The following PRTG variants were observed in gnomAD, a reference collection of about 807,000 sequenced individuals.
The protein encoded by PRTG is protogenin.
PRTG carries 67 observed loss-of-function variants against 122.5 expected under a neutral mutation model. The ratio of observed to expected loss-of-function variants is 0.55; its 90% CI spans 0.45 to 0.67. The LOEUF (loss-of-function observed/expected upper bound fraction) is 0.67, where lower values mean the gene tolerates loss of function less well. PRTG is among the 30% of genes least tolerant of loss of function. The pLI, the probability that PRTG is intolerant of heterozygous loss-of-function variation, is 0.00. For missense variants in PRTG, 1,435 were observed against 1,415.4 expected, an observed-to-expected ratio of 1.01 and a Z score of -0.22; for synonymous variants, 554 against 501.1, an observed-to-expected ratio of 1.11 and a Z score of -1.41.
chr15:55,703,084 A>T (rs2029952827), intron 2 of PRTG: 1 of 209,222 alleles, frequency 4.8e-6, no homozygotes, highest in Non-Finnish European at 8.3e-6. Flanking sequence ...TCAAGTGAGA[A>T]ATGGATTTTC....
At chr15:55,685,581 A>G (rs185239113) in intron 2 of PRTG, among the ~76,000 whole-genome samples, 2 of 152,306 alleles carry the variant, frequency 1.3e-5, no homozygotes, top group East Asian at 1.9e-4. Context: ...GCTGTCTTCT[A>G]TTAAGCTAAC....
chr15:55,717,747 T>C (rs564190352), intron 2 of PRTG, among the ~76,000 whole-genome samples: 8 of 152,370 alleles, frequency 5.3e-5, no homozygotes, highest in African/African-American at 1.9e-4. Flanking sequence ...TTCACTATCA[T>C]ACATAAAAAG....
intron 17 of PRTG, 103 bp from the exon 18 acceptor site, chr15:55,624,610 T>A: frequency 1.3e-6 from 1 of 772,468 alleles, no homozygotes; most frequent in Non-Finnish European, 2.0e-6. Context: ...TGCAGTTCTT[T>A]AATACCCATT....
At chr15:55,670,964 GCACA>G (rs1462021808) in intron 11 of PRTG, among the ~76,000 whole-genome samples, 3 of 150,276 alleles carry the variant, frequency 2.0e-5, no homozygotes, top group East Asian at 2.0e-4. Context: ...CTTTGTGTGT[GCACA>G]CAAAGAAGAG....
chr15:55,693,194 C>T (rs1595656991), intron 2 of PRTG, among the ~76,000 whole-genome samples: 1 of 152,004 alleles, frequency 6.6e-6, no homozygotes, highest in African/African-American at 2.4e-5. Context: ...TGGTGGCTCA[C>T]GCCTATAATC....
intron 2 of PRTG, among the ~76,000 whole-genome samples, chr15:55,736,986 A>G (rs927644214): frequency 5.3e-5 from 8 of 152,238 alleles, no homozygotes; most frequent in African/African-American, 1.9e-4. Context: ...AGACCATTTT[A>G]CCACACTAAT....
At chr15:55,621,072 G>A (rs981780538) in intron 18 of PRTG, among the ~76,000 whole-genome samples, 1 of 152,128 alleles carries the variant, frequency 6.6e-6, no homozygotes, top group South Asian at 2.1e-4. Context: ...CAGGCAGTAC[G>A]GCTGGGCACA....
chr15:55,706,238 A>G (rs1248252169), intron 2 of PRTG, among the ~76,000 whole-genome samples: 4 of 151,866 alleles, frequency 2.6e-5, no homozygotes, highest in Non-Finnish European at 4.4e-5. Flanking sequence ...AGTAGAACCC[A>G]CAGGATGCTA....
At chr15:55,728,520 A>C (rs1472919628) in intron 2 of PRTG, among the ~76,000 whole-genome samples, 1 of 126,188 alleles carries the variant, frequency 7.9e-6, no homozygotes, top group Non-Finnish European at 2.0e-5. Flanking sequence ...AGCACAGTTG[A>C]TACAAAAAAG....
intron 2 of PRTG, among the ~76,000 whole-genome samples, chr15:55,686,175 A>G (rs2059569338): frequency 6.6e-6 from 1 of 152,086 alleles, no homozygotes; most frequent in Non-Finnish European, 1.5e-5. Flanking sequence ...GAATACATTT[A>G]TCTTGGGGGG....
In PRTG at chr15:55,620,652, A is replaced by G; in HGVS notation, c.3198+11T>C. 1 of 1,574,590 alleles carries G rather than the reference A, an allele frequency of 6.4e-7. No homozygotes were observed. On this transcript the variant is annotated intron_variant, in intron 19 of 19. Coordinates refer to ENST00000389286, the MANE Select transcript of PRTG (RefSeq NM_173814.6). ...GCATTGCCAAAAATTTTTCTCATTTAGATAGGTTACCTGCTCAACTTGTAT... is the reference window on the plus strand; with the variant it reads ...GCATTGCCAAAAATTTTTCTCATTTGGATAGGTTACCTGCTCAACTTGTAT...
intron 18 of PRTG, 86 bp from the exon 19 acceptor site, chr15:55,620,853 C>CTA: frequency 9.1e-7 from 1 of 1,095,088 alleles, no homozygotes. Context: ...TTAACTTTTA[C>CTA]TATATGCTTC....
intron 2 of PRTG, among the ~76,000 whole-genome samples, chr15:55,713,593 T>A (rs2414427): frequency 0.2 from 30,666 of 152,200 alleles, 3,716 homozygotes; most frequent in East Asian, 0.58. Context: ...CATTTGGAAA[T>A]CACAGGTGTT....
intron 2 of PRTG, among the ~76,000 whole-genome samples, chr15:55,698,492 T>C (rs1016163157): frequency 2.0e-5 from 3 of 152,140 alleles, no homozygotes; most frequent in African/African-American, 4.8e-5. Context: ...GGTTTCACCA[T>C]GTTGCCCAGG....
At chr15:55,645,917 G>A (rs1182428881) in intron 11 of PRTG, among the ~76,000 whole-genome samples, 1 of 152,202 alleles carries the variant, frequency 6.6e-6, no homozygotes. Context: ...AGAAAGGGAA[G>A]GAGGAGAAAG....
intron 2 of PRTG, among the ~76,000 whole-genome samples, chr15:55,734,122 C>T (rs1457047673): frequency 1.3e-5 from 2 of 152,140 alleles, no homozygotes; most frequent in South Asian, 2.1e-4. Context: ...CTGCATACGA[C>T]GCACAGGACA....
rs1258807985 is a variant in PRTG at position 55,624,525 on chromosome 15, A to G, written c.2928-18T>C. 6.2e-7 allele frequency: 1 copy of G among 1,600,532 alleles called. No homozygotes were observed. The highest frequency in any genetic ancestry group is 8.5e-7 in the Non-Finnish European group (1 of 1,173,668). On this transcript the variant is annotated intron_variant, in intron 17 of 19. Coordinates refer to ENST00000389286, the MANE Select transcript of PRTG (RefSeq NM_173814.6). ...ATGATTTCCTAAAACATTGGCAAGA[A>G]GAGGAAGTCTTCTAATTTCATAGAA...
intron 2 of PRTG, among the ~76,000 whole-genome samples, chr15:55,711,021 C>T (rs1342970160): frequency 6.6e-6 from 1 of 151,922 alleles, no homozygotes; most frequent in Non-Finnish European, 1.5e-5. Context: ...ATTCTCCTGC[C>T]TCAGCTTCAC....
At position 55,617,236 on chromosome 15, in the gene PRTG, T is replaced by A. The variant is rs1322169169; in HGVS notation, c.*2776A>T. 6.6e-6 allele frequency: 1 copy of A among 151,702 alleles called. No individual in the cohort carries two copies. The highest frequency in any genetic ancestry group is 2.4e-5 in the African/African-American group (1 of 41,328). 9.4% of individuals were successfully genotyped at this position (151,702 alleles called of 1,614,324 possible). Reference sequence around the variant, plus strand: ...ATTTATTTTTGGTAAAAAAAAAAAATTTTCTCTCCAACAAGTAGTTTCAAC... The same window carrying A: ...ATTTATTTTTGGTAAAAAAAAAAAAATTTCTCTCCAACAAGTAGTTTCAAC... On this transcript the variant is annotated 3_prime_UTR_variant, in exon 20 of 20. Coordinates refer to ENST00000389286, the MANE Select transcript of PRTG (RefSeq NM_173814.6).
Sources: gnomAD v4.1 joint callset for allele counts (sites outside exome capture counted in the v4.1 genomes callset) on GRCh38, gnomAD v4.1.1 for gene constraint, MANE v1.5 for transcripts, NCBI Gene and HGNC (gene_info 2026-07-23, HGNC 2026-07-21) for gene names.